Variants in LRRC4C observed in about 807,000 individuals in gnomAD.
LRRC4C encodes the protein leucine rich repeat containing 4C.
In LRRC4C, 5 loss-of-function variants were observed where a neutral mutation model predicts 33.6. That is an observed-to-expected ratio of 0.15 (90% CI 0.08 to 0.31). The LOEUF is 0.31. LRRC4C is among the 10% of genes least tolerant of loss of function. The pLI is 1.00. For missense variants in LRRC4C, 560 were observed against 796.7 expected, an observed-to-expected ratio of 0.70 and a Z score of 3.58; for synonymous variants, 329 against 302.0, an observed-to-expected ratio of 1.09 and a Z score of -0.93.
chr11:40,931,578 G>T (rs1226446228), intron 2 of LRRC4C, among the ~76,000 whole-genome samples: 1 of 152,022 alleles, frequency 6.6e-6, no homozygotes, highest in African/African-American at 2.4e-5. Flanking sequence ...TTATCATAGA[G>T]CCCCAATTGA....
intron 1 of LRRC4C, among the ~76,000 whole-genome samples, chr11:41,009,422 T>C (rs1009978003): frequency 1.3e-5 from 2 of 152,102 alleles, no homozygotes; most frequent in Admixed American, 6.6e-5. Flanking sequence ...AAGAATGGAT[T>C]AGAGACACTG....
At chr11:40,171,772 G>A (rs535075064) in intron 5 of LRRC4C, among the ~76,000 whole-genome samples, 1 of 152,196 alleles carries the variant, frequency 6.6e-6, no homozygotes, top group South Asian at 2.1e-4. Flanking sequence ...GTATAATTTA[G>A]CCAAGGTTAC....
In LRRC4C at chr11:40,559,181, C is replaced by CT. The variant is rs71060968; in HGVS notation, c.-270+88960dup. On this transcript the variant is annotated intron_variant, in intron 3 of 6. Coordinates refer to ENST00000528697, the MANE Select transcript of LRRC4C (RefSeq NM_001258419.2). ...GCAATGAAAATTCGCTTGCATGCGT[C>CT]TTTTTTTTTTTTTTTTTTTCTGAGG... 2.7e-3 allele frequency among the ~76,000 whole-genome samples: 335 copies of CT among 124,642 alleles called. 1 individual carries two copies. Among genetic ancestry groups the CT allele is most frequent in the Middle Eastern group, 4.3e-3 (1 of 232 alleles). 81.8% of individuals were successfully genotyped at this position (124,642 alleles called of 152,430 possible).
rs529269717 is a variant in LRRC4C, at chr11:40,988,156, A to G, written c.-495-54433T>C. 1.2e-4 allele frequency among the ~76,000 whole-genome samples: 18 copies of G among 152,294 alleles called. No homozygotes were observed. In the South Asian group the frequency reaches 3.5e-3, roughly 30 times the overall value. Reference sequence around the variant, plus strand: ...TTTTTTAAAAGTGAAGTTAGCAGCAATGACTCAAAGGCTCCCCAGCAACAA... The same window carrying G: ...TTTTTTAAAAGTGAAGTTAGCAGCAGTGACTCAAAGGCTCCCCAGCAACAA... On this transcript the variant is annotated intron_variant, in intron 1 of 6. Transcript: ENST00000528697.
chr11:40,117,523 A>G (rs138549548), intron 6 of LRRC4C, among the ~76,000 whole-genome samples: 1 of 152,232 alleles, frequency 6.6e-6, no homozygotes, highest in East Asian at 1.9e-4. Context: ...GGGAAGGAAA[A>G]TAACTCATCT....
At chr11:40,771,108 C>T (rs1565040611) in intron 2 of LRRC4C, among the ~76,000 whole-genome samples, 1 of 152,228 alleles carries the variant, frequency 6.6e-6, no homozygotes, top group Non-Finnish European at 1.5e-5. Context: ...AGCAGAGTTT[C>T]TCCATGAAGG....
intron 2 of LRRC4C, among the ~76,000 whole-genome samples, chr11:40,692,384 TAGAG>T (rs1591478300): frequency 6.6e-6 from 1 of 152,024 alleles, no homozygotes; most frequent in Non-Finnish European, 1.5e-5. Flanking sequence ...TTTCAACACA[TAGAG>T]AGGCATTTTC....
At chr11:41,360,025 A>T (rs1168877467) in intron 1 of LRRC4C, among the ~76,000 whole-genome samples, 3 of 152,222 alleles carry the variant, frequency 2.0e-5, no homozygotes, top group Admixed American at 6.5e-5. Flanking sequence ...TCTACTAAAA[A>T]TACAAAAATT....
intron 3 of LRRC4C, among the ~76,000 whole-genome samples, chr11:40,522,611 T>C (rs116211936): frequency 0.014 from 2,088 of 152,230 alleles, 54 homozygotes; most frequent in African/African-American, 0.047. Flanking sequence ...ACTGAAGAAG[T>C]AATATTTAAA....
chr11:41,125,258 C>A (rs753485939), intron 1 of LRRC4C, among the ~76,000 whole-genome samples: 4 of 142,156 alleles, frequency 2.8e-5, no homozygotes, highest in African/African-American at 1.0e-4. Context: ...TTGACAAAAG[C>A]CCATGTTGAG....
intron 1 of LRRC4C, among the ~76,000 whole-genome samples, chr11:41,315,997 C>T (rs1186731580): frequency 1.3e-5 from 2 of 151,772 alleles, no homozygotes; most frequent in African/African-American, 4.8e-5. Context: ...ATTTCTTTTC[C>T]CCTAAATAAT....
chr11:41,075,080 A>C (rs1212576706), intron 1 of LRRC4C, among the ~76,000 whole-genome samples: 1 of 28,740 alleles, frequency 3.5e-5, no homozygotes, highest in Non-Finnish European at 6.2e-5. Context: ...TCTAAGTTTT[A>C]GGGTACATGT....
At chr11:40,602,791 G>A (rs934373522) in intron 3 of LRRC4C, among the ~76,000 whole-genome samples, 1 of 152,098 alleles carries the variant, frequency 6.6e-6, no homozygotes, top group African/African-American at 2.4e-5. Context: ...GTTGGGTTTC[G>A]AAAGGTACCT....
intron 1 of LRRC4C, among the ~76,000 whole-genome samples, chr11:41,311,547 G>A (rs1591234894): frequency 6.6e-6 from 1 of 152,124 alleles, no homozygotes; most frequent in Non-Finnish European, 1.5e-5. Flanking sequence ...TATGTTCCAT[G>A]TACTTTTTAA....
chr11:40,135,172 A>G (rs972103696), intron 6 of LRRC4C, among the ~76,000 whole-genome samples: 1 of 152,240 alleles, frequency 6.6e-6, no homozygotes, highest in African/African-American at 2.4e-5. Context: ...GACTGGAATC[A>G]GTGATTTTTT....
chr11:40,768,439 C>G (rs980497470), intron 2 of LRRC4C, among the ~76,000 whole-genome samples: 3 of 151,954 alleles, frequency 2.0e-5, no homozygotes, highest in Non-Finnish European at 2.9e-5. Context: ...GATAGAGGAG[C>G]AGGAACACCT....
intron 3 of LRRC4C, among the ~76,000 whole-genome samples, chr11:40,325,021 C>A (rs1946029362): frequency 6.6e-6 from 1 of 152,068 alleles, no homozygotes; most frequent in Non-Finnish European, 1.5e-5. Flanking sequence ...CTCAAAATTA[C>A]TATTAGTATA....
At chr11:40,369,829 T>A (rs1398459598) in intron 3 of LRRC4C, among the ~76,000 whole-genome samples, 1 of 152,212 alleles carries the variant, frequency 6.6e-6, no homozygotes, top group Non-Finnish European at 1.5e-5. Context: ...CTAATAGTTT[T>A]AAAATAGATA....
At chr11:40,803,867 T>C (rs58538784) in intron 2 of LRRC4C, among the ~76,000 whole-genome samples, 3,892 of 152,298 alleles carry the variant, frequency 0.026, 179 homozygotes, top group African/African-American at 0.087. Flanking sequence ...AATCACATAA[T>C]GGAGAATGGA....
Sources: gnomAD v4.1 joint callset for allele counts (sites outside exome capture counted in the v4.1 genomes callset) on GRCh38, gnomAD v4.1.1 for gene constraint, MANE v1.5 for transcripts, NCBI Gene and HGNC (gene_info 2026-07-23, HGNC 2026-07-21) for gene names.